NPIPB2: variants seen among roughly 807,000 people sequenced by gnomAD.
NPIPB2 encodes nuclear pore complex-interacting protein family member B2.
NPIPB2 carries 27 observed loss-of-function variants against 30.8 expected under a neutral mutation model. The observed-to-expected ratio is 0.88, with a 90% CI of 0.65 to 1.21. The LOEUF is 1.21. NPIPB2 is among the 50% of genes most tolerant of loss of function. The pLI is 0.00. For synonymous variants in NPIPB2, 147 were observed against 162.0 expected (o/e 0.91, Z 0.70); for missense variants, 440 against 446.2 (o/e 0.99, Z 0.13).
At position 11,966,452 on chromosome 16, in the gene NPIPB2, G is replaced by A. The variant is rs1056872304; in HGVS notation, c.-584+10116C>T. On this transcript the variant is annotated intron_variant, in intron 1 of 5. Transcript: ENST00000538896. ...TATTTCACTTCGTTACAGCCCTTTC[G>A]AATGTGTTAGAACATTGTTACATTA... 1.9e-5 allele frequency: 21 copies of A among 1,100,746 alleles called. No individual in the cohort carries two copies. In the East Asian group the frequency reaches 3.2e-4, roughly 17 times the overall value. The allele number at this position is 1,100,746 out of a possible 1,614,324, so 68.2% of individuals were successfully genotyped here.
chr16:11,967,652 G>C, intron 1 of NPIPB2: 1 of 1,614,190 alleles, frequency 6.2e-7, no homozygotes, highest in Non-Finnish European at 8.5e-7. Flanking sequence ...GAGGCCTCGA[G>C]TACACGGTGG....
intron 1 of NPIPB2, among the ~76,000 whole-genome samples, chr16:11,941,639 G>T (rs141545146): frequency 0.018 from 2,696 of 151,812 alleles, 75 homozygotes; most frequent in African/African-American, 0.061. Context: ...AACCTTCTTC[G>T]GTCTGGGCCC....
chr16:11,943,643 A>G (rs2054968612), upstream of NPIPB2, among the ~76,000 whole-genome samples: 1 of 151,732 alleles, frequency 6.6e-6, no homozygotes, highest in Admixed American at 6.6e-5. Flanking sequence ...CAGAGGGTGC[A>G]GTGAGCTGAG....
chr16:11,956,811 A>G (rs1053503398), intron 1 of NPIPB2, among the ~76,000 whole-genome samples: 1 of 152,202 alleles, frequency 6.6e-6, no homozygotes, highest in Non-Finnish European at 1.5e-5. Flanking sequence ...TGCTCTTGGC[A>G]GGCTCTCACT....
At chr16:11,968,659 A>G (rs2055215284) in intron 1 of NPIPB2, 1 of 152,130 alleles carries the variant, frequency 6.6e-6, no homozygotes, top group Non-Finnish European at 1.5e-5. Context: ...AAGGTCCACA[A>G]TGGTGTTATC....
At chr16:11,967,605 G>C (rs757322532) in intron 1 of NPIPB2, 2 of 1,613,982 alleles carry the variant, frequency 1.2e-6, no homozygotes, top group Non-Finnish European at 8.5e-7. Context: ...CATTGACCTG[G>C]AAAAGAGCAG....
upstream of NPIPB2, among the ~76,000 whole-genome samples, chr16:11,945,166 A>G (rs929120875): frequency 6.6e-6 from 1 of 152,092 alleles, no homozygotes; most frequent in Non-Finnish European, 1.5e-5. Context: ...AGCCTGGGCA[A>G]TAAAAGCAAA....
intron 1 of NPIPB2, among the ~76,000 whole-genome samples, chr16:11,948,879 G>A (rs372437362): frequency 4.6e-5 from 7 of 151,894 alleles, no homozygotes; most frequent in East Asian, 1.9e-4. Flanking sequence ...GGCTCATGTC[G>A]GTAATCCTAG....
At chr16:11,968,991 C>T (rs1012480078) in intron 1 of NPIPB2, among the ~76,000 whole-genome samples, 16 of 151,868 alleles carry the variant, frequency 1.1e-4, no homozygotes, top group Admixed American at 9.9e-4. Context: ...CTCAGCCTCC[C>T]GAGTAGCTGG....
chr16:11,950,706 C>G (rs1463405934), intron 1 of NPIPB2, among the ~76,000 whole-genome samples: 1 of 152,098 alleles, frequency 6.6e-6, no homozygotes, highest in Non-Finnish European at 1.5e-5. Flanking sequence ...TCCCTCCCTC[C>G]TCTCATCCTC....
At chr16:11,962,409 C>G (rs1040175575) in intron 1 of NPIPB2, among the ~76,000 whole-genome samples, 1 of 151,338 alleles carries the variant, frequency 6.6e-6, no homozygotes, top group Non-Finnish European at 1.5e-5. Flanking sequence ...GAGATCGAGA[C>G]CATCCTGGCT....
intron 1 of NPIPB2, among the ~76,000 whole-genome samples, chr16:11,970,251 C>T (rs976607061): frequency 2.6e-5 from 4 of 151,410 alleles, no homozygotes; most frequent in African/African-American, 9.7e-5. Context: ...CTCACTCTGT[C>T]GCCCAGGCTG....
intron 1 of NPIPB2, among the ~76,000 whole-genome samples, chr16:11,974,048 A>G (rs1281293923): frequency 6.6e-6 from 1 of 152,018 alleles, no homozygotes; most frequent in African/African-American, 2.4e-5. Flanking sequence ...AAAAATTGTT[A>G]TTTTTGGTGG....
Position 11,947,408 on chromosome 16 carries a change from G to A in NPIPB2, c.-583-5294C>T, listed in dbSNP as rs527409688. Reference sequence around the variant, plus strand: ...CGCCCAGGCTGGAGTGCAGTGGCGCGATCTCGGCTCACTGCAAGCTCCACC... The same window carrying A: ...CGCCCAGGCTGGAGTGCAGTGGCGCAATCTCGGCTCACTGCAAGCTCCACC... On this transcript the variant is annotated intron_variant, in intron 1 of 5. Coordinates refer to the NPIPB2 transcript ENST00000538896. Among the ~76,000 whole-genome samples the A allele has an allele frequency of 2.3e-4, 35 of 150,218 alleles. No individual in the cohort carries two copies. In the South Asian group the frequency reaches 5.0e-3, roughly 22 times the overall value.
intron 1 of NPIPB2, among the ~76,000 whole-genome samples, chr16:11,970,345 T>C (rs1365627010): frequency 6.6e-6 from 1 of 152,148 alleles, no homozygotes; most frequent in Non-Finnish European, 1.5e-5. Context: ...CCTGAGTAGC[T>C]GGGACTACAG....
chr16:11,949,086 C>A (rs1268769146), intron 1 of NPIPB2, among the ~76,000 whole-genome samples: 7 of 151,704 alleles, frequency 4.6e-5, no homozygotes, highest in Non-Finnish European at 8.8e-5. Flanking sequence ...GAGGTTGAGG[C>A]TGCTGTGAGC....
intron 1 of NPIPB2, among the ~76,000 whole-genome samples, chr16:11,972,356 G>A (rs1567481590): frequency 2.6e-5 from 4 of 151,758 alleles, no homozygotes; most frequent in Admixed American, 1.3e-4. Flanking sequence ...TGGGCAGATC[G>A]TAAGGTCAGG....
intron 1 of NPIPB2, among the ~76,000 whole-genome samples, chr16:11,939,276 G>T (rs62040810): frequency 1.3e-5 from 2 of 151,504 alleles, no homozygotes; most frequent in Non-Finnish European, 2.9e-5. Context: ...AAATTAACAA[G>T]GTGGGCCGGG....
chr16:11,973,303 A>G (rs2055247263), intron 1 of NPIPB2, among the ~76,000 whole-genome samples: 1 of 152,136 alleles, frequency 6.6e-6, no homozygotes, highest in Non-Finnish European at 1.5e-5. Flanking sequence ...CCCTTGGCCA[A>G]GAGGCGGGCT....
Sources: gnomAD v4.1 joint callset for allele counts (sites outside exome capture counted in the v4.1 genomes callset) on GRCh38, gnomAD v4.1.1 for gene constraint, MANE v1.5 for transcripts, NCBI Gene and HGNC (gene_info 2026-07-23, HGNC 2026-07-21) for gene names.